The following CACNA1A variants were observed in gnomAD, a reference collection of about 807,000 sequenced individuals.
CACNA1A encodes the protein voltage-dependent P/Q-type calcium channel subunit alpha-1A.
Under a neutral mutation model 262.4 loss-of-function variants are expected in CACNA1A, and 57 were observed. The observed-to-expected ratio is 0.22, with a 90% CI of 0.18 to 0.27. The LOEUF is 0.27. Among genes scored for constraint, CACNA1A ranks in the 10% least tolerant of loss-of-function variants. CACNA1A has a pLI of 1.00. For synonymous variants in CACNA1A, 1,431 were observed against 1,419.3 expected (o/e 1.01, Z -0.18); for missense variants, 2,526 against 3,562.8 (o/e 0.71, Z 7.41).
In CACNA1A at chr19:13,264,364, C is replaced by T. The variant is rs574990226; in HGVS notation, c.3990-1531G>A. ...GGGTGCCATCCCCCCTCACCCGTCT[C>T]CCAACTTGCTCCTCATTCCCTGCCT... On this transcript the variant is annotated intron_variant, in intron 24 of 46. Transcript: ENST00000360228. Among the ~76,000 whole-genome samples, 3 of 152,334 alleles carry T rather than the reference C, an allele frequency of 2.0e-5. 1 individual carries two copies. The South Asian group carries it at 6.2e-4, about 32-fold the overall frequency.
rs1406247650 is a variant in CACNA1A, at chr19:13,208,804, G to A, written c.6732C>T (p.Arg2244=). Residue 2244 remains arginine (R), a synonymous_variant, in exon 46 of 47, where the codon CGC becomes CGT. Transcript: ENST00000360228. The stretch of plus-strand genomic sequence containing the variant: ...GGCCCTCGCTGGGCGAGCGGGACCA[G>A]CGCTGGTCCCGAGCCCGTGCCCGGC... The part of the protein sequence containing the change: ...DHGRARARDQ[R]WSRSPSEGRE... 6.4e-7 allele frequency: 1 copy of A among 1,551,824 alleles called. No homozygotes were observed. Among genetic ancestry groups the A allele is most frequent in the African/African-American group, 1.4e-5 (1 of 73,632 alleles).
At chr19:13,403,381 TAAAG>T (rs938215292) in intron 3 of CACNA1A, among the ~76,000 whole-genome samples, 8 of 152,030 alleles carry the variant, frequency 5.3e-5, no homozygotes, top group Non-Finnish European at 1.0e-4. Context: ...ATTTTATAGA[TAAAG>T]AAAGACAGGT....
At chr19:13,480,065 G>A (rs1327900116) in intron 1 of CACNA1A, among the ~76,000 whole-genome samples, 1 of 152,056 alleles carries the variant, frequency 6.6e-6, no homozygotes, top group Non-Finnish European at 1.5e-5. Flanking sequence ...TCTGATCCCC[G>A]TACTATAACA....
intron 1 of CACNA1A, among the ~76,000 whole-genome samples, chr19:13,455,869 C>CAAA (rs766436872): frequency 1.3e-4 from 10 of 76,122 alleles, no homozygotes; most frequent in South Asian, 3.9e-4. Flanking sequence ...GGCCCTGTCT[C>CAAA]AAAAAAAAAA....
intron 3 of CACNA1A, among the ~76,000 whole-genome samples, chr19:13,446,091 AGTG>A (rs1310312358): frequency 6.6e-6 from 1 of 152,000 alleles, no homozygotes; most frequent in Non-Finnish European, 1.5e-5. Flanking sequence ...TCTGGCTGAT[AGTG>A]TGAAACCCCG....
chr19:13,325,338 A>G (rs527864649), intron 10 of CACNA1A, among the ~76,000 whole-genome samples: 83 of 152,106 alleles, frequency 5.5e-4, no homozygotes, highest in African/African-American at 2.0e-3. Flanking sequence ...GTCTCTATCA[A>G]GTATTAGCTG....
At chr19:13,464,340 A>C (rs758170215) in intron 1 of CACNA1A, among the ~76,000 whole-genome samples, 1 of 152,158 alleles carries the variant, frequency 6.6e-6, no homozygotes, top group Non-Finnish European at 1.5e-5. Flanking sequence ...TTGAGGCTGC[A>C]TTGAGCTATG....
Position 13,349,570 on chromosome 19 carries a change from C to T in CACNA1A, c.978+10036G>A, listed in dbSNP as rs146076299. ...CAGAGCCACCAGCTCTTGTCTCCAG[C>T]AAACAGTTTTGTTGCAGTACTCATG... On this transcript the variant is annotated intron_variant, in intron 6 of 46. Coordinates refer to ENST00000360228, the MANE Select transcript of CACNA1A (RefSeq NM_001127222.2). 2.8e-3 allele frequency among the ~76,000 whole-genome samples: 432 copies of T among 152,318 alleles called. 5 individuals are homozygous for T. The highest frequency in any genetic ancestry group is 9.9e-3 in the African/African-American group (411 of 41,580).
intron 34 of CACNA1A, among the ~76,000 whole-genome samples, chr19:13,233,084 G>A (rs1424112117): frequency 1.3e-5 from 2 of 151,260 alleles, no homozygotes; most frequent in Non-Finnish European, 2.9e-5. Flanking sequence ...CCTCCATGAA[G>A]GTGACAGTCA....
At position 13,439,074 on chromosome 19, in the gene CACNA1A, T is replaced by C. The variant is rs546836261; in HGVS notation, c.539+13802A>G. Among the ~76,000 whole-genome samples the C allele has an allele frequency of 2.6e-5, 4 of 152,008 alleles. No individual in the cohort carries two copies. In the East Asian group the frequency reaches 7.7e-4, roughly 29 times the overall value. ...TTTCTGACTATCCTGTTCCCCTGTTTCCTGGTATTGCCAAACAAACCACTT... is the reference window on the plus strand; with the variant it reads ...TTTCTGACTATCCTGTTCCCCTGTTCCCTGGTATTGCCAAACAAACCACTT... On this transcript the variant is annotated intron_variant, in intron 3 of 46. Coordinates refer to ENST00000360228, the MANE Select transcript of CACNA1A (RefSeq NM_001127222.2).
At chr19:13,449,557 C>T (rs529963222) in intron 3 of CACNA1A, among the ~76,000 whole-genome samples, 2 of 152,278 alleles carry the variant, frequency 1.3e-5, no homozygotes, top group East Asian at 3.9e-4. Context: ...GTAATCCTTC[C>T]ATCTTTGCCT....
rs547946206 is a variant in CACNA1A, at chr19:13,356,493, A to G, written c.978+3113T>C. Among the ~76,000 whole-genome samples the G allele has an allele frequency of 1.1e-4, 16 of 152,272 alleles. No homozygotes were observed. In the East Asian group the frequency reaches 3.1e-3, roughly 29 times the overall value. On this transcript the variant is annotated intron_variant, in intron 6 of 46. Transcript: ENST00000360228. Reference sequence around the variant, plus strand: ...GTGTCCCCAGAGGTGGCTTAGCTCTAAGCTTAGAGGCTTCCAAGGGAAACA... The same window carrying G: ...GTGTCCCCAGAGGTGGCTTAGCTCTGAGCTTAGAGGCTTCCAAGGGAAACA...
At chr19:13,349,212 C>T (rs1407019769) in intron 6 of CACNA1A, among the ~76,000 whole-genome samples, 2 of 152,090 alleles carry the variant, frequency 1.3e-5, no homozygotes, top group Non-Finnish European at 2.9e-5. Context: ...AAATATCTTT[C>T]CTCACAGGGC....
At chr19:13,474,504 T>C (rs537165945) in intron 1 of CACNA1A, among the ~76,000 whole-genome samples, 1 of 152,246 alleles carries the variant, frequency 6.6e-6, no homozygotes, top group Admixed American at 6.5e-5. Flanking sequence ...AAAAAGAAGA[T>C]GAAGATGTCA....
At chr19:13,474,208 C>A (rs1023388105) in intron 1 of CACNA1A, among the ~76,000 whole-genome samples, 1 of 152,196 alleles carries the variant, frequency 6.6e-6, no homozygotes, top group Non-Finnish European at 1.5e-5. Context: ...ATCTCCTGCT[C>A]GGGTCTTCAC....
intron 24 of CACNA1A, among the ~76,000 whole-genome samples, chr19:13,265,275 G>A (rs911680710): frequency 1.4e-4 from 22 of 152,306 alleles, no homozygotes; most frequent in African/African-American, 5.3e-4. Context: ...TGGGTGGGGA[G>A]GTCACCTAGA....
intron 40 of CACNA1A, among the ~76,000 whole-genome samples, chr19:13,213,407 T>A (rs913809882): frequency 6.6e-6 from 1 of 152,154 alleles, no homozygotes. Context: ...CTCCCCTGGA[T>A]ACTCCTATCT....
At chr19:13,213,987 A>T (rs976617342) in intron 40 of CACNA1A, 4 of 500,250 alleles carry the variant, frequency 8.0e-6, no homozygotes, top group African/African-American at 5.8e-5. Flanking sequence ...TGCCTGGCTA[A>T]TGTTTTATTT....
chr19:13,504,131 C>G (rs1416418097), intron 1 of CACNA1A, among the ~76,000 whole-genome samples: 1 of 152,178 alleles, frequency 6.6e-6, no homozygotes, highest in Middle Eastern at 3.2e-3. Flanking sequence ...ACTCCTGGAG[C>G]TAACTGGGTG....
Sources: allele counts gnomAD v4.1 joint callset (sites outside exome capture counted in the v4.1 genomes callset), GRCh38; gene constraint gnomAD v4.1.1; transcripts MANE v1.5; gene names NCBI Gene and HGNC (gene_info 2026-07-23, HGNC 2026-07-21).